The following KSR2 variants were observed in gnomAD, a reference collection of about 807,000 sequenced individuals.
The protein encoded by KSR2 is kinase suppressor of ras 2.
KSR2 carries 25 observed loss-of-function variants against 107.8 expected under a neutral mutation model. That is an observed-to-expected ratio of 0.23 (90% CI 0.17 to 0.32). The LOEUF (loss-of-function observed/expected upper bound fraction) is 0.32. Among genes scored for constraint, KSR2 ranks in the 10% least tolerant of loss-of-function variants. KSR2 has a pLI of 1.00. For missense variants in KSR2, 887 were observed against 1,268.9 expected, an observed-to-expected ratio of 0.70 and a Z score of 4.57; for synonymous variants, 480 against 507.0, an observed-to-expected ratio of 0.95 and a Z score of 0.71.
Position 117,749,135 on chromosome 12 carries a change from AAG to A in KSR2, c.986+11874_986+11875del, listed in dbSNP as rs1443464439. On this transcript the variant is annotated intron_variant, in intron 4 of 19. Coordinates refer to ENST00000339824, the MANE Select transcript of KSR2 (RefSeq NM_173598.6). ...GCTCCACTGGCAAAAAAAAAAAAAA[AAG>A]CAAACGAACAATACCTCCCAGGCCG... Among the ~76,000 whole-genome samples, 4 of 78,070 alleles carry A rather than the reference AAG, an allele frequency of 5.1e-5. 1 individual carries two copies. Among genetic ancestry groups the A allele is most frequent in the African/African-American group, 8.0e-5 (1 of 12,530 alleles). 51.2% of individuals were successfully genotyped at this position (78,070 alleles called of 152,430 possible).
chr12:117,674,292 C>T (rs778810359), intron 4 of KSR2: 18 of 509,740 alleles, frequency 3.5e-5, no homozygotes, highest in South Asian at 2.5e-4. Context: ...CCTGGGCTGC[C>T]GCTGCCTCCT....
intron 1 of KSR2, among the ~76,000 whole-genome samples, chr12:117,887,381 A>T (rs1380785272): frequency 1.3e-5 from 2 of 152,152 alleles, no homozygotes; most frequent in Non-Finnish European, 2.9e-5. Context: ...GATTACAGGC[A>T]CGAGTGACGG....
chr12:117,932,956 T>C (rs1181994424), intron 1 of KSR2, among the ~76,000 whole-genome samples: 6 of 152,126 alleles, frequency 3.9e-5, no homozygotes, highest in Admixed American at 6.5e-5. Flanking sequence ...GAGGTTGCAG[T>C]GAGCCCAGAT....
At chr12:117,564,833 C>T (rs1301823248) in intron 7 of KSR2, among the ~76,000 whole-genome samples, 2 of 152,200 alleles carry the variant, frequency 1.3e-5, no homozygotes, top group African/African-American at 2.4e-5. Context: ...CTGTCAAACA[C>T]TGCAGATTTA....
chr12:117,531,782 C>G lies in KSR2; in HGVS notation c.1688-75G>C, dbSNP rs1398682908. 3 of 1,074,126 alleles carry G rather than the reference C, an allele frequency of 2.8e-6. No homozygotes were observed. In the African/African-American group the frequency reaches 4.9e-5, roughly 17 times the overall value. The allele number at this position is 1,074,126 out of a possible 1,614,324, so 66.5% of individuals were successfully genotyped here. On this transcript the variant is annotated intron_variant, in intron 10 of 19. Coordinates refer to ENST00000339824, the MANE Select transcript of KSR2 (RefSeq NM_173598.6). Reference sequence around the variant, plus strand: ...CTTCAGGGACCAGATTGAGCTCTTACAGCCACCACATGGTCATTCTCTGCC... The same window carrying G: ...CTTCAGGGACCAGATTGAGCTCTTAGAGCCACCACATGGTCATTCTCTGCC...
At chr12:117,874,589 G>C (rs1357392936) in intron 1 of KSR2, among the ~76,000 whole-genome samples, 2 of 152,148 alleles carry the variant, frequency 1.3e-5, no homozygotes, top group Admixed American at 1.3e-4. Context: ...TGCTGGAATT[G>C]TGCCCGTGAT....
chr12:117,793,436 C>A (rs1890371121), intron 3 of KSR2, among the ~76,000 whole-genome samples: 1 of 150,396 alleles, frequency 6.6e-6, no homozygotes, highest in Non-Finnish European at 1.5e-5. Context: ...CACACACCAA[C>A]ATGCACACTC....
At position 117,458,738 on chromosome 12, in the gene KSR2, T is replaced by C. The variant is rs1346136234; in HGVS notation, c.*8461A>G. 1 of 152,148 alleles carries C rather than the reference T, an allele frequency of 6.6e-6. No homozygotes were observed. The highest frequency in any genetic ancestry group is 1.5e-5 in the Non-Finnish European group (1 of 68,024). The allele number at this position is 152,148 out of a possible 1,614,324, so 9.4% of individuals were successfully genotyped here. On this transcript the variant is annotated 3_prime_UTR_variant, in exon 20 of 20. Transcript: ENST00000339824. ...GCCACCGAGCTGGTGATTAGAGGTA[T>C]TTCAAGAGCTCAGGAGTAGAGCTGG... is the stretch of plus-strand genomic sequence containing the variant.
chr12:117,738,939 G>A (rs968486359), intron 4 of KSR2, among the ~76,000 whole-genome samples: 1 of 152,168 alleles, frequency 6.6e-6, no homozygotes, highest in Non-Finnish European at 1.5e-5. Flanking sequence ...TGCAGGACTG[G>A]CAGCTGCTCT....
At chr12:117,848,863 TG>T (rs1443625831) in intron 3 of KSR2, among the ~76,000 whole-genome samples, 3 of 104,464 alleles carry the variant, frequency 2.9e-5, no homozygotes, top group Non-Finnish European at 7.6e-5. Context: ...ATGGTGATGA[TG>T]GTGATGACGG....
intron 5 of KSR2, among the ~76,000 whole-genome samples, chr12:117,615,951 G>A (rs1005027958): frequency 1.3e-5 from 2 of 152,014 alleles, no homozygotes; most frequent in African/African-American, 2.4e-5. Flanking sequence ...CCAGAAGTTC[G>A]AGACCACCCT....
At chr12:117,863,763 C>A (rs561023648) in intron 1 of KSR2, among the ~76,000 whole-genome samples, 1 of 152,278 alleles carries the variant, frequency 6.6e-6, no homozygotes, top group South Asian at 2.1e-4. Context: ...TGGTTCCTTC[C>A]AGAGGCTCCA....
chr12:117,895,219 A>C (rs1894474376), intron 1 of KSR2, among the ~76,000 whole-genome samples: 1 of 152,020 alleles, frequency 6.6e-6, no homozygotes, highest in Non-Finnish European at 1.5e-5. Flanking sequence ...GTTGGGTGAC[A>C]GCAAGATCCT....
intron 14 of KSR2, among the ~76,000 whole-genome samples, chr12:117,493,268 C>A (rs576758001): frequency 6.6e-6 from 1 of 152,264 alleles, no homozygotes; most frequent in East Asian, 1.9e-4. Context: ...GTTCATTCTT[C>A]GTCCAGTACT....
At chr12:117,693,206 C>T (rs1885904182) in intron 4 of KSR2, among the ~76,000 whole-genome samples, 1 of 152,024 alleles carries the variant, frequency 6.6e-6, no homozygotes, top group Non-Finnish European at 1.5e-5. Context: ...AAGACTGACC[C>T]CCAAAGTGAA....
intron 14 of KSR2, chr12:117,517,853 C>A (rs749713178): frequency 2.2e-6 from 1 of 455,896 alleles, no homozygotes; most frequent in Non-Finnish European, 4.4e-6. Flanking sequence ...TCAAACTGGC[C>A]TGAAGAGAAA....
At chr12:117,811,124 T>C (rs1377910020) in intron 3 of KSR2, among the ~76,000 whole-genome samples, 3 of 152,086 alleles carry the variant, frequency 2.0e-5, no homozygotes, top group African/African-American at 4.8e-5. Context: ...AGGGCAGGCC[T>C]GGCAAATAGA....
intron 7 of KSR2, among the ~76,000 whole-genome samples, chr12:117,575,744 G>A (rs1013100513): frequency 6.6e-6 from 1 of 152,178 alleles, no homozygotes; most frequent in African/African-American, 2.4e-5. Context: ...TTTTGGTTTT[G>A]AATTTTGTCT....
intron 7 of KSR2, among the ~76,000 whole-genome samples, chr12:117,572,853 T>C (rs1158746443): frequency 6.6e-6 from 1 of 152,154 alleles, no homozygotes; most frequent in East Asian, 1.9e-4. Context: ...AGATCTTAGC[T>C]CTGCAGAAAT....
Sources: gnomAD v4.1 joint callset for allele counts (sites outside exome capture counted in the v4.1 genomes callset) on GRCh38, gnomAD v4.1.1 for gene constraint, MANE v1.5 for transcripts, NCBI Gene and HGNC (gene_info 2026-07-23, HGNC 2026-07-21) for gene names.